Variants in TMX3 observed in about 807,000 individuals in gnomAD.
The protein encoded by TMX3 is protein disulfide-isomerase TMX3.
Under a neutral mutation model 64.4 loss-of-function variants are expected in TMX3, and 40 were observed. The observed-to-expected ratio is 0.62, with a 90% CI of 0.48 to 0.81. TMX3 has a LOEUF of 0.81. Ranked by LOEUF, TMX3 falls within the 30% of genes least tolerant of loss-of-function variation. The probability of loss-of-function intolerance (pLI) is 0.00; values close to 1 mark genes in which losing one functional copy is unlikely to be tolerated. For missense variants in TMX3, 497 were observed against 534.5 expected (o/e 0.93, Z 0.69); for synonymous variants, 189 against 175.7 (o/e 1.08, Z -0.60).
intron 10 of TMX3, among the ~76,000 whole-genome samples, chr18:68,685,454 T>C (rs1487014000): frequency 6.6e-6 from 1 of 152,256 alleles, no homozygotes; most frequent in Non-Finnish European, 1.5e-5. Flanking sequence ...TCTACCTTCC[T>C]GAAATATCTC....
chr18:68,707,531 T>C (rs1056479763), intron 4 of TMX3, among the ~76,000 whole-genome samples: 3 of 152,128 alleles, frequency 2.0e-5, no homozygotes, highest in Non-Finnish European at 2.9e-5. Flanking sequence ...ACAATGAAAA[T>C]TGTTAATTAT....
At position 68,684,599 on chromosome 18, in the gene TMX3, A is replaced by G. The variant is rs534339785; in HGVS notation, c.737-114T>C. The G allele has an allele frequency of 4.2e-5, 35 of 823,948 alleles. No homozygotes were observed. In the African/African-American group the frequency reaches 5.7e-4, roughly 13 times the overall value. The allele number at this position is 823,948 out of a possible 1,614,324, so 51.0% of individuals were successfully genotyped here. Reference sequence around the variant, plus strand: ...AAAGTATTTCTAGAATTTAATTCCAATCACCCTACATGTTATATCAAATTA... The same window carrying G: ...AAAGTATTTCTAGAATTTAATTCCAGTCACCCTACATGTTATATCAAATTA... On this transcript the variant is annotated intron_variant, in intron 10 of 15. Transcript: ENST00000299608.
At chr18:68,694,625 C>T (rs995588050) in intron 8 of TMX3, among the ~76,000 whole-genome samples, 10 of 151,168 alleles carry the variant, frequency 6.6e-5, no homozygotes, top group African/African-American at 2.5e-4. Context: ...AAAACCCAAG[C>T]AGAGGCGCCA....
chr18:68,677,852 G>C (rs992464030), intron 15 of TMX3, among the ~76,000 whole-genome samples: 9 of 152,120 alleles, frequency 5.9e-5, no homozygotes, highest in African/African-American at 2.2e-4. Flanking sequence ...AAGTTTCACA[G>C]AATAAAGGTG....
chr18:68,692,792 A>G (rs981822951), intron 8 of TMX3, among the ~76,000 whole-genome samples: 1 of 152,260 alleles, frequency 6.6e-6, no homozygotes, highest in South Asian at 2.1e-4. Flanking sequence ...AAAAAATAAT[A>G]GAAGTAATAC....
At chr18:68,704,037 A>G (rs1033745120) in intron 4 of TMX3, among the ~76,000 whole-genome samples, 7 of 152,172 alleles carry the variant, frequency 4.6e-5, no homozygotes, top group African/African-American at 1.7e-4. Context: ...TCGCCTATGT[A>G]ACTCTGGATG....
At chr18:68,696,164 T>A (rs1173569854) in intron 8 of TMX3, among the ~76,000 whole-genome samples, 3 of 152,180 alleles carry the variant, frequency 2.0e-5, no homozygotes, top group African/African-American at 7.2e-5. Context: ...TTTAATTTTT[T>A]AAATTATGAT....
intron 2 of TMX3, among the ~76,000 whole-genome samples, chr18:68,712,538 C>G (rs1009384614): frequency 5.3e-5 from 8 of 152,112 alleles, no homozygotes; most frequent in African/African-American, 1.9e-4. Flanking sequence ...AGCTGACGAA[C>G]AGTTTGCTCT....
chr18:68,711,750 A>AT (rs1361865311), intron 2 of TMX3, among the ~76,000 whole-genome samples: 1 of 152,228 alleles, frequency 6.6e-6, no homozygotes, highest in Admixed American at 6.5e-5. Context: ...ATGCTTAGAA[A>AT]TAACTGTTTC....
rs1912710274 is a variant in TMX3 at position 68,673,796 on chromosome 18, C to T, written c.*3137G>A. ...TAGTAATGCAGACTTTCAAAAACCT[C>T]TATAGATTAGTCCAAAGTAGAAAAT... On this transcript the variant is annotated 3_prime_UTR_variant, in exon 16 of 16. Coordinates refer to ENST00000299608, the MANE Select transcript of TMX3 (RefSeq NM_019022.5). The T allele has an allele frequency of 6.6e-6, 1 of 152,108 alleles. No individual in the cohort carries two copies. The highest frequency in any genetic ancestry group is 1.5e-5 in the Non-Finnish European group (1 of 68,018). 9.4% of individuals were successfully genotyped at this position (152,108 alleles called of 1,614,324 possible).
At chr18:68,678,742 C>T (rs182748463) in intron 15 of TMX3, among the ~76,000 whole-genome samples, 347 of 152,000 alleles carry the variant, frequency 2.3e-3, no homozygotes, top group African/African-American at 7.9e-3. Context: ...ACAAGAGAGA[C>T]GGGTAATTAG....
intron 2 of TMX3, among the ~76,000 whole-genome samples, 171 bp from the exon 3 acceptor site, chr18:68,711,574 T>C (rs956533102): frequency 6.6e-6 from 1 of 152,098 alleles, no homozygotes; most frequent in Non-Finnish European, 1.5e-5. Context: ...ATCTCAAAGA[T>C]AAAAGCAGAG....
At chr18:68,700,659 G>A in intron 5 of TMX3, 174 bp from the exon 6 acceptor site, 4 of 877,452 alleles carry the variant, frequency 4.6e-6, no homozygotes, top group Non-Finnish European at 5.5e-6. Flanking sequence ...CAGAGGACCA[G>A]TAACACAAAA....
chr18:68,700,630 T>C (rs2029951929), intron 5 of TMX3, 145 bp from the exon 6 acceptor site: 4 of 1,048,880 alleles, frequency 3.8e-6, no homozygotes, highest in African/African-American at 1.7e-5. Context: ...ATGTAAAATA[T>C]GGTAGACATT....
chr18:68,684,272 C>A, intron 11 of TMX3, 29 bp from the exon 12 acceptor site: 1 of 1,577,504 alleles, frequency 6.3e-7, no homozygotes, highest in South Asian at 1.1e-5. Context: ...ATGAATAGTT[C>A]ATCTCTGCAC....
intron 1 of TMX3, among the ~76,000 whole-genome samples, chr18:68,714,735 G>T (rs1288549853): frequency 6.6e-6 from 1 of 152,244 alleles, no homozygotes; most frequent in East Asian, 1.9e-4. Context: ...CCGGCACAGC[G>T]GCGGCGGAAG....
chr18:68,678,945 G>T (rs1258247556), intron 15 of TMX3, among the ~76,000 whole-genome samples: 1 of 151,346 alleles, frequency 6.6e-6, no homozygotes, highest in Non-Finnish European at 1.5e-5. Flanking sequence ...AAAAAGGGAA[G>T]AAGGAAAAAC....
At chr18:68,687,929 G>A (rs1187475214) in intron 9 of TMX3, 164 bp from the exon 10 acceptor site, 8 of 426,714 alleles carry the variant, frequency 1.9e-5, no homozygotes, top group Non-Finnish European at 2.9e-5. Context: ...TGTACAGAAG[G>A]ATTAATGCAC....
Position 68,684,246 on chromosome 18 carries a change from G to A in TMX3, c.795-3C>T, listed in dbSNP as rs748732331. 3.1e-6 allele frequency: 5 copies of A among 1,609,790 alleles called. No homozygotes were observed. The highest frequency in any genetic ancestry group is 4.5e-5 in the East Asian group (2 of 44,778). The stretch of plus-strand genomic sequence containing the variant: ...CTTCCTGAATAATTGACTTCAATCT[G>A]TAGAAGAACAAACATATGAATAGTT... On this transcript the variant is annotated splice_region_variant and splice_polypyrimidine_tract_variant and intron_variant, in intron 11 of 15. Transcript: ENST00000299608.
Sources: gnomAD v4.1 joint callset for allele counts (sites outside exome capture counted in the v4.1 genomes callset) on GRCh38, gnomAD v4.1.1 for gene constraint, MANE v1.5 for transcripts, NCBI Gene and HGNC (gene_info 2026-07-23, HGNC 2026-07-21) for gene names.